Variants in CRIM1 observed in about 807,000 individuals in gnomAD.
CRIM1 encodes cysteine-rich motor neuron 1 protein.
In CRIM1, 32 loss-of-function variants were observed where a neutral mutation model predicts 116.4. The ratio of observed to expected loss-of-function variants is 0.27; its 90% confidence interval spans 0.21 to 0.37. The LOEUF (loss-of-function observed/expected upper bound fraction) is 0.37, where lower values mean the gene tolerates loss of function less well. Ranked by LOEUF, CRIM1 falls within the 10% of genes least tolerant of loss-of-function variation. The probability of loss-of-function intolerance (pLI) is 1.00; values close to 1 mark genes in which losing one functional copy is unlikely to be tolerated. For synonymous variants in CRIM1, 590 were observed against 509.2 expected, an observed-to-expected ratio of 1.16 and a Z score of -2.13; for missense variants, 1,331 against 1,354.8, an observed-to-expected ratio of 0.98 and a Z score of 0.28.
At position 36,441,443 on chromosome 2, in the gene CRIM1, G is replaced by C. The variant is rs200087946; in HGVS notation, c.691G>C (p.Val231Leu). The change falls in exon 3 of 17, where the codon GTG becomes CTG. Residue 231 changes from valine (V) to leucine (L), a missense_variant. This residue lies in a region of CRIM1 where 690 missense variants were observed against 676.0 expected (regional missense o/e 1.02). Transcript: ENST00000280527. ...CCAGCCGGGAAACCTGAACATACTA[G>C]TGTCAAAAGCCTCAGGGAAGCCGGG... ...VCQPGNLNIL[V>L]SKASGKPGEC... The C allele has an allele frequency of 1.4e-5, 22 of 1,613,818 alleles. No homozygotes were observed. The highest frequency in any genetic ancestry group is 1.7e-5 in the Non-Finnish European group (20 of 1,180,046).
At chr2:36,393,717 A>G (rs1671800662) in intron 1 of CRIM1, among the ~76,000 whole-genome samples, 1 of 152,158 alleles carries the variant, frequency 6.6e-6, no homozygotes, top group Non-Finnish European at 1.5e-5. Context: ...TGAGCAGGAG[A>G]TAGCAGAGGA....
intron 1 of CRIM1, among the ~76,000 whole-genome samples, chr2:36,388,152 C>T (rs1034771073): frequency 6.6e-6 from 1 of 152,020 alleles, no homozygotes; most frequent in Non-Finnish European, 1.5e-5. Context: ...GAAGTAGAGA[C>T]AGTTGTGTAA....
At chr2:36,450,343 C>G (rs1042658993) in intron 4 of CRIM1, among the ~76,000 whole-genome samples, 11 of 152,170 alleles carry the variant, frequency 7.2e-5, no homozygotes, top group African/African-American at 2.7e-4. Context: ...ACATCACTTT[C>G]CCTGAGGTCG....
chr2:36,357,197 G>T (rs183100018), intron 1 of CRIM1, among the ~76,000 whole-genome samples: 18 of 152,310 alleles, frequency 1.2e-4, no homozygotes, highest in Admixed American at 1.2e-3. Flanking sequence ...TTCAGCCGCG[G>T]AATATGTCAG....
chr2:36,511,521 G>A (rs1265803528), intron 9 of CRIM1, among the ~76,000 whole-genome samples: 2 of 152,134 alleles, frequency 1.3e-5, no homozygotes, highest in Non-Finnish European at 2.9e-5. Context: ...ACAATAGTAG[G>A]TAGCTTCAAC....
Position 36,356,360 on chromosome 2 carries a change from TGC to T in CRIM1, c.69_70del (p.Leu24AlafsTer17). On this transcript the variant is annotated frameshift_variant, in exon 1 of 17. Transcript: ENST00000280527. LOFTEE classifies it high-confidence loss of function. This position sits in a 1 kb window ranked among gnomAD's most constrained non-coding sequence, Gnocchi z 4.3. ...CACCTCCTGGTCTCGCTGCTGGGGC[TGC>T]TGCTGCTGCTGGCGCGCTCCGGCAC... The T allele has an allele frequency of 6.4e-7, 1 of 1,557,782 alleles. No homozygotes were observed. Among genetic ancestry groups the T allele is most frequent in the Non-Finnish European group, 8.7e-7 (1 of 1,150,758 alleles).
At chr2:36,389,652 A>G (rs1297675065) in intron 1 of CRIM1, among the ~76,000 whole-genome samples, 1 of 152,194 alleles carries the variant, frequency 6.6e-6, no homozygotes, top group African/African-American at 2.4e-5. Context: ...ACCTAAACAG[A>G]TACAAGGTGG....
At chr2:36,503,879 AT>A (rs896545518) in intron 8 of CRIM1, among the ~76,000 whole-genome samples, 23 of 149,310 alleles carry the variant, frequency 1.5e-4, no homozygotes, top group Non-Finnish European at 2.4e-4. Flanking sequence ...TAGCTTCTAG[AT>A]TTTTTTTTTA....
chr2:36,543,365 A>G (rs1170579744), intron 14 of CRIM1, among the ~76,000 whole-genome samples: 2 of 152,208 alleles, frequency 1.3e-5, no homozygotes, highest in Non-Finnish European at 2.9e-5. Flanking sequence ...TAACTTTGAG[A>G]CAGAAAACAA....
intron 7 of CRIM1, among the ~76,000 whole-genome samples, chr2:36,489,605 C>G (rs754602985): frequency 6.6e-6 from 1 of 152,168 alleles, no homozygotes; most frequent in Non-Finnish European, 1.5e-5. Context: ...TGAATTTTCT[C>G]TTACTGTTGA....
At chr2:36,533,553 C>G (rs188661745) in intron 13 of CRIM1, among the ~76,000 whole-genome samples, 13 of 152,160 alleles carry the variant, frequency 8.5e-5, no homozygotes, top group Admixed American at 7.2e-4. Flanking sequence ...ATGATTGCAC[C>G]ACTACACTCC....
chr2:36,455,186 T>TG (rs1268367829), intron 4 of CRIM1, among the ~76,000 whole-genome samples: 2 of 152,122 alleles, frequency 1.3e-5, no homozygotes, highest in African/African-American at 2.4e-5. Context: ...GCTGCAGGAC[T>TG]GAGTCACCGA....
chr2:36,380,898 T>C (rs538043678), intron 1 of CRIM1, among the ~76,000 whole-genome samples: 1 of 152,188 alleles, frequency 6.6e-6, no homozygotes. Flanking sequence ...TTTTAAAAGA[T>C]ATCTCGACCA....
At chr2:36,500,442 A>C (rs1050595104) in intron 8 of CRIM1, among the ~76,000 whole-genome samples, 1 of 152,220 alleles carries the variant, frequency 6.6e-6, no homozygotes, top group African/African-American at 2.4e-5. Flanking sequence ...GGTTATAAGT[A>C]GCTAAAAACA....
intron 2 of CRIM1, among the ~76,000 whole-genome samples, chr2:36,419,410 C>T (rs1001922569): frequency 1.3e-5 from 2 of 152,178 alleles, no homozygotes; most frequent in Non-Finnish European, 2.9e-5. Context: ...ATTCTAATCT[C>T]CTATTTGCAT....
At chr2:36,523,530 G>A (rs755816143) in intron 13 of CRIM1, among the ~76,000 whole-genome samples, 5 of 152,202 alleles carry the variant, frequency 3.3e-5, no homozygotes, top group African/African-American at 9.6e-5. Flanking sequence ...AGGACAGCCC[G>A]TGTTCCCTGG....
chr2:36,408,484 C>A (rs879578697), intron 2 of CRIM1, among the ~76,000 whole-genome samples: 2 of 152,182 alleles, frequency 1.3e-5, no homozygotes, highest in Non-Finnish European at 2.9e-5. Flanking sequence ...GATCTGGAAT[C>A]CCAGCCCGGG....
intron 5 of CRIM1, among the ~76,000 whole-genome samples, chr2:36,468,689 G>A (rs1248087498): frequency 3.3e-5 from 5 of 152,150 alleles, no homozygotes; most frequent in East Asian, 1.9e-4. Flanking sequence ...CCCATCAGCC[G>A]TCAGCTGGAG....
chr2:36,445,790 A>T (rs1558593416), intron 4 of CRIM1, among the ~76,000 whole-genome samples: 1 of 152,214 alleles, frequency 6.6e-6, no homozygotes, highest in Non-Finnish European at 1.5e-5. Flanking sequence ...AAATGGAAAA[A>T]AAAAAGCCTA....
Sources: gnomAD v4.1 joint callset for allele counts (sites outside exome capture counted in the v4.1 genomes callset) on GRCh38, gnomAD v4.1.1 for gene constraint, gnomAD v4.1.1 regional missense constraint, Gnocchi (gnomAD v3.1) non-coding constraint, MANE v1.5 for transcripts, NCBI Gene and HGNC (gene_info 2026-07-23, HGNC 2026-07-21) for gene names.